Variants in BAIAP2 observed in about 807,000 individuals in gnomAD.
BAIAP2 encodes the protein BAR/IMD domain containing adaptor protein 2, also known as BAR/IMD domain-containing adapter protein 2.
In BAIAP2, 18 loss-of-function variants were observed where a neutral mutation model predicts 63.0. The observed-to-expected ratio is 0.29, with a 90% confidence interval of 0.20 to 0.42. The LOEUF is 0.42. Among genes scored for constraint, BAIAP2 ranks in the 10% least tolerant of loss-of-function variants. The pLI, the probability that BAIAP2 is intolerant of heterozygous loss-of-function variation, is 1.00. For missense variants in BAIAP2, 610 were observed against 734.3 expected (o/e 0.83, Z 1.96); for synonymous variants, 386 against 307.6 (o/e 1.25, Z -2.67).
At chr17:81,055,053 G>A (rs1196019955) in intron 2 of BAIAP2, among the ~76,000 whole-genome samples, 1 of 152,310 alleles carries the variant, frequency 6.6e-6, no homozygotes, top group East Asian at 1.9e-4. Flanking sequence ...TCCGGGACAC[G>A]TGCTGCGTCT....
intron 6 of BAIAP2, among the ~76,000 whole-genome samples, chr17:81,098,394 G>A (rs1344904381): frequency 6.6e-6 from 1 of 151,694 alleles, no homozygotes; most frequent in Admixed American, 6.6e-5. Flanking sequence ...TCTTGGTCTG[G>A]CTTTGCTTGC....
At chr17:81,094,677 T>C (rs1463589742) in intron 6 of BAIAP2, among the ~76,000 whole-genome samples, 1 of 152,164 alleles carries the variant, frequency 6.6e-6, no homozygotes, top group East Asian at 1.9e-4. Context: ...TCTGCCTGGG[T>C]ACCGTGCCCA....
At chr17:81,097,542 TGA>T (rs1343868544) in intron 6 of BAIAP2, 1 of 152,146 alleles carries the variant, frequency 6.6e-6, no homozygotes, top group Non-Finnish European at 1.5e-5. Flanking sequence ...GCCGCGAGGC[TGA>T]GTCAGGCAGG....
Position 81,058,000 on chromosome 17 carries a change from C to T in BAIAP2, c.217+33C>T, listed in dbSNP as rs772848567. On this transcript the variant is annotated intron_variant, in intron 3 of 13. Transcript: ENST00000428708. Reference sequence around the variant, plus strand: ...CCCCCCCCCCCCCCCGCCTGGTAGTCGCCTGATGCCCTCAGGCAGCTCTGG... The same window carrying T: ...CCCCCCCCCCCCCCCGCCTGGTAGTTGCCTGATGCCCTCAGGCAGCTCTGG... The T allele has an allele frequency of 1.5e-5, 20 of 1,354,352 alleles. No homozygotes were observed. In the Admixed American group the frequency reaches 2.1e-4, roughly 14 times the overall value. The allele number at this position is 1,354,352 out of a possible 1,614,324, so 83.9% of individuals were successfully genotyped here.
intron 6 of BAIAP2, among the ~76,000 whole-genome samples, chr17:81,095,154 C>T (rs1447150646): frequency 6.6e-6 from 1 of 152,198 alleles, no homozygotes; most frequent in East Asian, 1.9e-4. Flanking sequence ...TGGCACCCAG[C>T]TAAGCACGCA....
At chr17:81,045,515 C>G (rs962560001) in intron 1 of BAIAP2, among the ~76,000 whole-genome samples, 2 of 152,294 alleles carry the variant, frequency 1.3e-5, no homozygotes, top group Non-Finnish European at 2.9e-5. Flanking sequence ...TCGGGCCCCT[C>G]CTGGCGGGAG....
In BAIAP2 at chr17:81,086,444, C is replaced by G; in HGVS notation, c.353C>G (p.Ala118Gly). The G allele has an allele frequency of 6.2e-7, 1 of 1,613,826 alleles. No homozygotes were observed. The highest frequency in any genetic ancestry group is 1.7e-4 in the Middle Eastern group (1 of 6,054). The change falls in exon 6 of 14, where the codon GCT becomes GGT. Residue 118 changes from alanine (A) to glycine (G), a missense_variant and splice_region_variant. Transcript: ENST00000428708. The stretch of plus-strand genomic sequence containing the variant: ...TGTGTTTTATTGTTTGAATCTCAGG[C>G]TGCGCTGAAGAAATACCAGACTGAG... ...KVELDSRYLSAALKKYQTEQR... is the reference protein window; with the variant it reads ...KVELDSRYLSGALKKYQTEQR...
chr17:81,091,505 C>G (rs971410452), intron 6 of BAIAP2, among the ~76,000 whole-genome samples: 4 of 152,184 alleles, frequency 2.6e-5, no homozygotes, highest in Non-Finnish European at 5.9e-5. Context: ...GTCCCTGGAC[C>G]TGCCTGCCCC....
At chr17:81,100,484 G>C (rs1249242211) in intron 7 of BAIAP2, among the ~76,000 whole-genome samples, 1 of 152,140 alleles carries the variant, frequency 6.6e-6, no homozygotes, top group Non-Finnish European at 1.5e-5. Context: ...GTCCTCACTT[G>C]CTCTTCCTGT....
intron 13 of BAIAP2, chr17:81,109,194 C>CG (rs2059573483): frequency 1.4e-6 from 2 of 1,406,904 alleles, no homozygotes; most frequent in African/African-American, 2.9e-5. Flanking sequence ...CGCCCCCCCT[C>CG]CCCTGTGTTT....
chr17:81,058,504 G>T (rs763004741), intron 3 of BAIAP2, among the ~76,000 whole-genome samples: 4 of 152,234 alleles, frequency 2.6e-5, no homozygotes, highest in Non-Finnish European at 5.9e-5. Context: ...GGCCCACGTG[G>T]TGGTGCTGCA....
At chr17:81,092,737 C>G (rs1271154492) in intron 6 of BAIAP2, among the ~76,000 whole-genome samples, 1 of 152,182 alleles carries the variant, frequency 6.6e-6, no homozygotes, top group Non-Finnish European at 1.5e-5. Context: ...TCCCCAGGAC[C>G]GTGGTCGTTG....
In BAIAP2 at chr17:81,103,528, G is replaced by A; in HGVS notation, c.669G>A (p.Leu223=). Residue 223 remains leucine (L), a synonymous_variant, in exon 8 of 14, where the codon CTG becomes CTA. Coordinates refer to ENST00000428708, the MANE Select transcript of BAIAP2 (RefSeq NM_001144888.2). ...SKGKELLAQK[L]PLWQQACADP... ...GCAAGGAGCTGCTGGCGCAGAAGCT[G>A]CCGCTGTGGCAACAGGCCTGTGCCG... is the stretch of plus-strand genomic sequence containing the variant. 1.3e-6 allele frequency: 2 copies of A among 1,588,294 alleles called. No homozygotes were observed. The highest frequency in any genetic ancestry group is 2.2e-5 in the South Asian group (2 of 89,268).
At chr17:81,070,677 C>G (rs960959741) in intron 3 of BAIAP2, among the ~76,000 whole-genome samples, 1 of 152,166 alleles carries the variant, frequency 6.6e-6, no homozygotes, top group African/African-American at 2.4e-5. Flanking sequence ...GCTCAGCCCC[C>G]GCAGAGCCTC....
Position 81,104,211 on chromosome 17 carries a change from C to T in BAIAP2, c.1066+103C>T, listed in dbSNP as rs1453409122. 15 of 1,288,868 alleles carry T rather than the reference C, an allele frequency of 1.2e-5. No homozygotes were observed. In the Admixed American group the frequency reaches 1.6e-4, roughly 14 times the overall value. 79.8% of individuals were successfully genotyped at this position (1,288,868 alleles called of 1,614,324 possible). On this transcript the variant is annotated intron_variant, in intron 9 of 13. Transcript: ENST00000428708. ...AATAGGGGCCTGGGAGACCCTGAGG[C>T]TCACAATTATGTGACCGTGTGTACC...
intron 6 of BAIAP2, among the ~76,000 whole-genome samples, chr17:81,091,654 G>A (rs982130498): frequency 5.9e-5 from 9 of 152,200 alleles, no homozygotes; most frequent in Non-Finnish European, 8.8e-5. Flanking sequence ...TGGCCCATTC[G>A]GGCTCCTGGG....
In BAIAP2 at chr17:81,110,545, G is replaced by A. The variant is rs950921769; in HGVS notation, c.1535+2036G>A. The A allele has an allele frequency of 9.7e-6, 11 of 1,132,112 alleles. No individual in the cohort carries two copies. In the Admixed American group the frequency reaches 1.4e-4, roughly 14 times the overall value. The allele number at this position is 1,132,112 out of a possible 1,614,324, so 70.1% of individuals were successfully genotyped here. On this transcript the variant is annotated intron_variant, in intron 13 of 13. Transcript: ENST00000428708. ...GGGTATGGACCTCCTTCCGGTTCCC[G>A]GCGTGCGTCTTTGCCGTGGGGGCCC...
At chr17:81,090,881 G>A (rs923500365) in intron 6 of BAIAP2, among the ~76,000 whole-genome samples, 3 of 152,190 alleles carry the variant, frequency 2.0e-5, no homozygotes, top group Non-Finnish European at 2.9e-5. Flanking sequence ...TTGCAAACCC[G>A]GCCAGCGGGC....
chr17:81,066,440 G>T (rs1568104545), intron 3 of BAIAP2, among the ~76,000 whole-genome samples: 1 of 152,240 alleles, frequency 6.6e-6, no homozygotes, highest in Non-Finnish European at 1.5e-5. Flanking sequence ...TGGCTGCAGT[G>T]CACGCCTCGT....
Sources: allele counts gnomAD v4.1 joint callset (sites outside exome capture counted in the v4.1 genomes callset), GRCh38; gene constraint gnomAD v4.1.1; transcripts MANE v1.5; gene names NCBI Gene and HGNC (gene_info 2026-07-23, HGNC 2026-07-21).